Variants in SYT3 observed in about 807,000 individuals in gnomAD.
SYT3 encodes the protein synaptotagmin 3, also known as synaptotagmin-3.
In SYT3, 25 loss-of-function variants were observed where a neutral mutation model predicts 50.6. The ratio of observed to expected loss-of-function variants is 0.49; its 90% confidence interval spans 0.36 to 0.69. SYT3 has a LOEUF of 0.69. Among genes scored for constraint, SYT3 ranks in the 30% least tolerant of loss-of-function variants. The pLI, the probability that SYT3 is intolerant of heterozygous loss-of-function variation, is 0.00. For synonymous variants in SYT3, 323 were observed against 353.9 expected, an observed-to-expected ratio of 0.91 and a Z score of 0.98; for missense variants, 589 against 793.6, an observed-to-expected ratio of 0.74 and a Z score of 3.10.
the SYT3 span, among the ~76,000 whole-genome samples, chr19:50,646,382 C>T: frequency 6.6e-6 from 1 of 150,966 alleles, no homozygotes; most frequent in East Asian, 2.0e-4. Flanking sequence ...TCGTGAAGAC[C>T]AGGAGGGACA....
chr19:50,657,839 C>T, the SYT3 span: 1 of 994,758 alleles, frequency 1.0e-6, no homozygotes, highest in Non-Finnish European at 1.4e-6. Flanking sequence ...ACCATAGCGA[C>T]AGTACCCTGG....
At chr19:50,657,938 C>A in the SYT3 span, 1 of 1,482,966 alleles carries the variant, frequency 6.7e-7, no homozygotes, top group Non-Finnish European at 8.9e-7. Flanking sequence ...CTTCTGAACC[C>A]AAAATGAACC....
chr19:50,647,613 A>G, the SYT3 span, among the ~76,000 whole-genome samples: 20 of 152,044 alleles, frequency 1.3e-4, no homozygotes, highest in African/African-American at 4.8e-4. Context: ...CTGGGAGGTC[A>G]AGGCTGTTAT....
At position 50,625,924 on chromosome 19, in the gene SYT3, T is replaced by C. The variant is rs1444730050; in HGVS notation, c.1375A>G (p.Lys459Glu). The C allele has an allele frequency of 1.2e-6, 2 of 1,613,822 alleles. No homozygotes were observed. Among genetic ancestry groups the C allele is most frequent in the African/African-American group, 2.7e-5 (2 of 74,870 alleles). Residue 459 changes from lysine to glutamate, a missense_variant, in exon 7 of 11, where the codon AAA becomes GAA. By Grantham distance (56) the Lys-to-Glu change is moderately conservative. Around this residue, in one of 2 missense-constraint regions of SYT3, gnomAD observed 273 missense variants for 439.3 expected, o/e 0.62. Coordinates refer to ENST00000600079, the MANE Select transcript of SYT3 (RefSeq NM_001160329.2). This position sits in a 1 kb window ranked among gnomAD's most constrained non-coding sequence, Gnocchi z 7.5. ...GAGAAGCCAGTGAGGTCCATCGCTT[T>C]GAGGTTAGAGGCTTTGATGATGGTC... ...TVTIIKASNL[K>E]AMDLTGFSDP...
chr19:50,628,799 T>C (rs4239490), intron 6 of SYT3, among the ~76,000 whole-genome samples: 125,603 of 150,876 alleles, frequency 0.83, 53,574 homozygotes, highest in African/African-American at 0.95. Flanking sequence ...AGGAGAGGAA[T>C]GGTGTCCACT....
chr19:50,637,501 T>C lies in SYT3; in HGVS notation c.-15-75A>G. The stretch of plus-strand genomic sequence containing the variant: ...AGTGCAGGGTGGGCAGGTGTGGAGA[T>C]AAGGGTGGAAAGAGACACCGAGAAA... On this transcript the variant is annotated intron_variant, in intron 2 of 10. Coordinates refer to ENST00000600079, the MANE Select transcript of SYT3 (RefSeq NM_001160329.2). This position sits in a 1 kb window ranked among gnomAD's most constrained non-coding sequence, Gnocchi z 4.9. The C allele has an allele frequency of 7.4e-7, 1 of 1,357,606 alleles. No individual in the cohort carries two copies. The highest frequency in any genetic ancestry group is 1.0e-6 in the Non-Finnish European group (1 of 994,756). 84.1% of individuals were successfully genotyped at this position (1,357,606 alleles called of 1,614,324 possible).
At chr19:50,655,933 A>G in the SYT3 span, 1 of 975,758 alleles carries the variant, frequency 1.0e-6, no homozygotes, top group Non-Finnish European at 1.5e-6. Flanking sequence ...GTAACTCAAC[A>G]TCTGGCATAC....
rs1439368216 is a variant in SYT3 at position 50,630,134 on chromosome 19, G to C, written c.712C>G (p.Leu238Val). 1 of 1,592,228 alleles carries C rather than the reference G, an allele frequency of 6.3e-7. No individual in the cohort carries two copies. Among genetic ancestry groups the C allele is most frequent in the East Asian group, 2.2e-5 (1 of 44,650 alleles). Residue 238 changes from leucine to valine, a missense_variant, in exon 5 of 11, where the codon CTG (leucine) becomes GTG (valine). Around this residue, in one of 2 missense-constraint regions of SYT3, gnomAD observed 316 missense variants for 354.3 expected, o/e 0.89. Coordinates refer to ENST00000600079, the MANE Select transcript of SYT3 (RefSeq NM_001160329.2). ...CTGCTGGGGTCCGGCTGGGAGGTCA[G>C]AGTCTGCTGGGTGAGGGGTCGGGGC... ...ALPRPLTQQT[L>V]TSQPDPSSEE... is the part of the protein sequence containing the mutation.
At chr19:50,655,598 G>A in the SYT3 span, among the ~76,000 whole-genome samples, 12 of 151,742 alleles carry the variant, frequency 7.9e-5, no homozygotes, top group African/African-American at 2.7e-4. Flanking sequence ...GCAGTGAGCC[G>A]AGATTGCGCC....
intron 6 of SYT3, 24 bp downstream of exon 6, chr19:50,629,270 A>G: frequency 1.9e-6 from 3 of 1,554,304 alleles, no homozygotes; most frequent in East Asian, 2.3e-5. Context: ...GGGAAGGGGA[A>G]GGTCAGGGGA....
chr19:50,647,461 G>A, the SYT3 span, among the ~76,000 whole-genome samples: 1 of 152,028 alleles, frequency 6.6e-6, no homozygotes, highest in Non-Finnish European at 1.5e-5. Flanking sequence ...TGAGGTGGGA[G>A]GATTGCTTGA....
At chr19:50,651,159 A>G in the SYT3 span, among the ~76,000 whole-genome samples, 2 of 152,186 alleles carry the variant, frequency 1.3e-5, no homozygotes, top group Non-Finnish European at 2.9e-5. Flanking sequence ...CTGGGAGAGG[A>G]GACGTGAAAC....
intron 6 of SYT3, 135 bp downstream of exon 6, chr19:50,629,159 C>T: frequency 1.4e-6 from 1 of 735,586 alleles, no homozygotes; most frequent in Non-Finnish European, 2.2e-6. Context: ...GCAGTCTTCC[C>T]CAGTGTGATA....
At chr19:50,640,643 G>A (rs1984647376), upstream of SYT3, among the ~76,000 whole-genome samples, 1 of 152,112 alleles carries the variant, frequency 6.6e-6, no homozygotes, top group African/African-American at 2.4e-5. Flanking sequence ...GATCAGGGGT[G>A]TCCAATCTTT....
At position 50,632,745 on chromosome 19, in the gene SYT3, A is replaced by T; in HGVS notation, c.215T>A (p.Leu72His). The T allele has an allele frequency of 6.4e-7, 1 of 1,560,816 alleles. No homozygotes were observed. Among genetic ancestry groups the T allele is most frequent in the Non-Finnish European group, 8.6e-7 (1 of 1,157,858 alleles). ...CCAGCACAACTTCCAGGACACGAAG[A>T]GAGAGACACCCAGAAGGACAATGCC... ...FCGIVLLGVS[L>H]FVSWKLCWVP... is the part of the protein sequence containing the mutation. The change falls in exon 4 of 11, where the codon CTC (leucine) becomes CAC (histidine). Residue 72 changes from leucine (L) to histidine (H), a missense_variant. Physicochemically the swap from Leu to His is moderately conservative, Grantham distance 99. Coordinates refer to ENST00000600079, the MANE Select transcript of SYT3 (RefSeq NM_001160329.2). This position sits in a 1 kb window ranked among gnomAD's most constrained non-coding sequence, Gnocchi z 4.7.
chr19:50,635,384 T>C (rs1984464411), intron 3 of SYT3, among the ~76,000 whole-genome samples: 1 of 152,184 alleles, frequency 6.6e-6, no homozygotes, highest in African/African-American at 2.4e-5. Flanking sequence ...TCAGACCCTG[T>C]CCAACTCAAA....
At chr19:50,624,926 C>G (rs1182787927) in intron 9 of SYT3, 2 of 402,260 alleles carry the variant, frequency 5.0e-6, no homozygotes, top group Non-Finnish European at 8.7e-6. Flanking sequence ...CAGCACATCT[C>G]ACCTCTATCC....
At chr19:50,650,435 C>A in the SYT3 span, among the ~76,000 whole-genome samples, 6 of 152,182 alleles carry the variant, frequency 3.9e-5, no homozygotes, top group Non-Finnish European at 7.4e-5. Flanking sequence ...CTTTGGAGGC[C>A]GAGGTGAGTG....
intron 10 of SYT3, 59 bp from the exon 11 acceptor site, chr19:50,622,540 C>T (rs1983888159): frequency 1.5e-6 from 1 of 666,438 alleles, no homozygotes; most frequent in Non-Finnish European, 2.8e-6. Context: ...ACCACGACCT[C>T]CTGTAGCTCC....
Sources: gnomAD v4.1 joint callset for allele counts (sites outside exome capture counted in the v4.1 genomes callset) on GRCh38, gnomAD v4.1.1 for gene constraint, gnomAD v4.1.1 regional missense constraint, Gnocchi (gnomAD v3.1) non-coding constraint, MANE v1.5 for transcripts, NCBI Gene and HGNC (gene_info 2026-07-23, HGNC 2026-07-21) for gene names.